The following FAM81A variants were observed in gnomAD, a reference collection of about 807,000 sequenced individuals.
FAM81A encodes the protein protein FAM81A.
FAM81A carries 19 observed loss-of-function variants against 46.7 expected under a neutral mutation model. That is an observed-to-expected ratio of 0.41 (90% CI 0.28 to 0.60). The LOEUF is 0.60. FAM81A is among the 20% of genes least tolerant of loss of function. The probability of loss-of-function intolerance (pLI) is 0.34; values close to 1 mark genes in which losing one functional copy is unlikely to be tolerated. For missense variants in FAM81A, 377 were observed against 453.5 expected, an observed-to-expected ratio of 0.83 and a Z score of 1.53; for synonymous variants, 183 against 152.9, an observed-to-expected ratio of 1.20 and a Z score of -1.45.
intron 5 of FAM81A, among the ~76,000 whole-genome samples, chr15:59,508,538 A>G (rs2082172443): frequency 6.6e-6 from 1 of 152,228 alleles, no homozygotes; most frequent in Non-Finnish European, 1.5e-5. Context: ...AACTGATGGT[A>G]GAAATTCCAA....
chr15:59,502,087 A>G (rs535255114), intron 4 of FAM81A, among the ~76,000 whole-genome samples: 1 of 151,926 alleles, frequency 6.6e-6, no homozygotes, highest in South Asian at 2.1e-4. Context: ...TTACTGTATT[A>G]TTCTTTCATG....
At chr15:59,424,127 G>T (rs770202651) in intron 2 of FAM81A, among the ~76,000 whole-genome samples, 5 of 152,148 alleles carry the variant, frequency 3.3e-5, no homozygotes, top group Non-Finnish European at 5.9e-5. Flanking sequence ...TGACCTCCTT[G>T]TTGCCACGTT....
chr15:59,486,318 T>G (rs1383288690), intron 3 of FAM81A, among the ~76,000 whole-genome samples: 1 of 151,996 alleles, frequency 6.6e-6, no homozygotes, highest in African/African-American at 2.4e-5. Context: ...TTAATGAGCT[T>G]GAAGACAGGC....
chr15:59,443,207 C>G (rs1018507808), intron 1 of FAM81A, among the ~76,000 whole-genome samples: 1 of 152,144 alleles, frequency 6.6e-6, no homozygotes, highest in Non-Finnish European at 1.5e-5. Context: ...CTCAGCCTCC[C>G]GAGTAGCTGG....
intron 3 of FAM81A, among the ~76,000 whole-genome samples, chr15:59,480,273 T>A (rs2081833097): frequency 6.6e-6 from 1 of 152,204 alleles, no homozygotes; most frequent in Admixed American, 6.5e-5. Context: ...GAAATTATAC[T>A]TCCTCATTTC....
chr15:59,483,904 G>A (rs773607458), intron 3 of FAM81A, among the ~76,000 whole-genome samples: 10 of 152,216 alleles, frequency 6.6e-5, no homozygotes, highest in Non-Finnish European at 1.5e-4. Context: ...GGGGTGGACA[G>A]GTTGTAGGGG....
chr15:59,416,283 C>T (rs2081146390), intron 2 of FAM81A, among the ~76,000 whole-genome samples: 1 of 152,194 alleles, frequency 6.6e-6, no homozygotes, highest in Admixed American at 6.5e-5. Flanking sequence ...GGGGCTCCGT[C>T]CTGGGGACCT....
At chr15:59,484,158 C>T (rs2081889420) in intron 3 of FAM81A, among the ~76,000 whole-genome samples, 1 of 152,174 alleles carries the variant, frequency 6.6e-6, no homozygotes, top group South Asian at 2.1e-4. Context: ...AAGTACTGCC[C>T]TTAAAACAGG....
intron 2 of FAM81A, among the ~76,000 whole-genome samples, chr15:59,415,397 C>T (rs1452618233): frequency 6.6e-6 from 1 of 152,140 alleles, no homozygotes; most frequent in East Asian, 1.9e-4. Context: ...GGATTACAGG[C>T]GTGAGCCACC....
chr15:59,460,542 C>T lies in FAM81A; in HGVS notation c.294+336C>T. The T allele has an allele frequency of 5.1e-6, 2 of 389,446 alleles. No homozygotes were observed. Among genetic ancestry groups the T allele is most frequent in the Non-Finnish European group, 9.8e-6 (2 of 205,126 alleles). 24.1% of individuals were successfully genotyped at this position (389,446 alleles called of 1,614,324 possible). A position where few individuals can be genotyped will look rare whatever the true frequency, so the allele number is the denominator to read the frequency against. ...CTATAATCTTTCATATCTTTGAAGACAGCTATTAAGTCAATTACTAAGGTC... is the reference window on the plus strand; with the variant it reads ...CTATAATCTTTCATATCTTTGAAGATAGCTATTAAGTCAATTACTAAGGTC... On this transcript the variant is annotated intron_variant, in intron 3 of 8. Transcript: ENST00000288228. The surrounding 1 kb of genome is among the most constrained non-coding windows in gnomAD (Gnocchi z 4.4).
chr15:59,501,671 T>G (rs1378821911), intron 4 of FAM81A, among the ~76,000 whole-genome samples: 1 of 152,088 alleles, frequency 6.6e-6, no homozygotes, highest in South Asian at 2.1e-4. Flanking sequence ...TGACCACCAG[T>G]GATTAGGTAA....
chr15:59,406,538 T>C (rs1567035498), intron 2 of FAM81A, among the ~76,000 whole-genome samples: 1 of 152,322 alleles, frequency 6.6e-6, no homozygotes, highest in East Asian at 1.9e-4. Flanking sequence ...TCACCCACTT[T>C]AAGTGTACAA....
chr15:59,510,404 T>C (rs1596543585), intron 6 of FAM81A, among the ~76,000 whole-genome samples: 1 of 144,466 alleles, frequency 6.9e-6, no homozygotes, highest in Non-Finnish European at 1.5e-5. Context: ...TACATTCCAG[T>C]AGAATAAGTA....
At chr15:59,435,951 A>G (rs117192369), upstream of FAM81A, among the ~76,000 whole-genome samples, 137 of 152,260 alleles carry the variant, frequency 9.0e-4, no homozygotes, top group Non-Finnish European at 1.6e-3. Context: ...ATCATTGTGC[A>G]TTAAATTTTG....
In FAM81A at chr15:59,460,362, C is replaced by A; in HGVS notation, c.294+156C>A. On this transcript the variant is annotated intron_variant, in intron 3 of 8. Coordinates refer to ENST00000288228, the MANE Select transcript of FAM81A (RefSeq NM_152450.3). This position sits in a 1 kb window ranked among gnomAD's most constrained non-coding sequence, Gnocchi z 4.4. Reference sequence around the variant, plus strand: ...TTCTTAATGATCGCCAAGGAGACAGCTTGCAGAAATATCCTAATTAAATTT... The same window carrying A: ...TTCTTAATGATCGCCAAGGAGACAGATTGCAGAAATATCCTAATTAAATTT... 2 of 980,646 alleles carry A rather than the reference C, an allele frequency of 2.0e-6. No individual in the cohort carries two copies. The highest frequency in any genetic ancestry group is 3.2e-6 in the Non-Finnish European group (2 of 618,112). 60.7% of individuals were successfully genotyped at this position (980,646 alleles called of 1,614,324 possible).
At chr15:59,417,517 C>T (rs1346635876) in intron 2 of FAM81A, among the ~76,000 whole-genome samples, 2 of 151,038 alleles carry the variant, frequency 1.3e-5, no homozygotes, top group Admixed American at 1.3e-4. Context: ...ACCAGCCTGG[C>T]CAACATGGTG....
chr15:59,478,277 T>C (rs2081799609), intron 3 of FAM81A, among the ~76,000 whole-genome samples: 1 of 152,214 alleles, frequency 6.6e-6, no homozygotes, highest in African/African-American at 2.4e-5. Context: ...TGGCTTGGAA[T>C]GTTGGCTTTA....
intron 2 of FAM81A, among the ~76,000 whole-genome samples, chr15:59,431,659 C>A (rs1218550103): frequency 6.6e-6 from 1 of 152,118 alleles, no homozygotes; most frequent in African/African-American, 2.4e-5. Flanking sequence ...GCCATGGTTC[C>A]TTTGATATTA....
chr15:59,504,778 T>C (rs757426133), intron 4 of FAM81A, among the ~76,000 whole-genome samples: 35 of 152,220 alleles, frequency 2.3e-4, no homozygotes, highest in Non-Finnish European at 4.0e-4. Flanking sequence ...GTTTCTCCAT[T>C]ATCTTCTGAT....
Sources: gnomAD v4.1 joint callset for allele counts (sites outside exome capture counted in the v4.1 genomes callset) on GRCh38, gnomAD v4.1.1 for gene constraint, Gnocchi (gnomAD v3.1) non-coding constraint, MANE v1.5 for transcripts, NCBI Gene and HGNC (gene_info 2026-07-23, HGNC 2026-07-21) for gene names.